Variants in CMIP observed in about 807,000 individuals in gnomAD.
CMIP encodes C-Maf-inducing protein.
Under a neutral mutation model 97.3 loss-of-function variants are expected in CMIP, and 13 were observed. The ratio of observed to expected loss-of-function variants is 0.13; its 90% CI spans 0.09 to 0.21. The LOEUF (loss-of-function observed/expected upper bound fraction) is 0.21, where lower values mean the gene tolerates loss of function less well. CMIP is among the 10% of genes least tolerant of loss of function. CMIP has a pLI of 1.00. For synonymous variants in CMIP, 538 were observed against 436.3 expected, an observed-to-expected ratio of 1.23 and a Z score of -2.91; for missense variants, 847 against 1,024.9, an observed-to-expected ratio of 0.83 and a Z score of 2.37.
intron 1 of CMIP, among the ~76,000 whole-genome samples, chr16:81,550,922 C>T (rs929525196): frequency 8.8e-5 from 13 of 147,022 alleles, no homozygotes; most frequent in African/African-American, 2.8e-4. Flanking sequence ...ACCCCAGTTC[C>T]GTCACATATA....
chr16:81,588,482 G>A (rs1359373048), intron 1 of CMIP, among the ~76,000 whole-genome samples: 1 of 152,200 alleles, frequency 6.6e-6, no homozygotes, highest in Non-Finnish European at 1.5e-5. Flanking sequence ...CGGGCAGGGT[G>A]CTGTACCTTG....
At chr16:81,632,213 C>T (rs1039696200) in intron 3 of CMIP, among the ~76,000 whole-genome samples, 2 of 151,970 alleles carry the variant, frequency 1.3e-5, no homozygotes, top group Non-Finnish European at 2.9e-5. Context: ...ATATCCCCTG[C>T]GAACATTTAA....
chr16:81,534,665 G>C (rs550356666), intron 1 of CMIP, among the ~76,000 whole-genome samples: 2 of 151,610 alleles, frequency 1.3e-5, no homozygotes, highest in East Asian at 3.9e-4. Context: ...CAAAACTATA[G>C]AACTGTAAAA....
rs1041892833 is a variant in CMIP at position 81,710,184 on chromosome 16, A to C, written c.*385A>C. The C allele has an allele frequency of 3.8e-6, 1 of 265,982 alleles. No homozygotes were observed. The highest frequency in any genetic ancestry group is 7.3e-6 in the Non-Finnish European group (1 of 136,174). 16.5% of individuals were successfully genotyped at this position (265,982 alleles called of 1,614,324 possible). A position where few individuals can be genotyped will look rare whatever the true frequency, so the allele number is the denominator to read the frequency against. On this transcript the variant is annotated 3_prime_UTR_variant, in exon 21 of 21. Coordinates refer to ENST00000537098, the MANE Select transcript of CMIP (RefSeq NM_198390.3). ...CTCCGATGCCACCATTGCGGGCCGGACGAAGGATGCTTTCTTCCTAGAGGC... is the reference window on the plus strand; with the variant it reads ...CTCCGATGCCACCATTGCGGGCCGGCCGAAGGATGCTTTCTTCCTAGAGGC...
intron 1 of CMIP, among the ~76,000 whole-genome samples, chr16:81,536,860 G>A (rs1433078623): frequency 2.0e-5 from 3 of 152,028 alleles, no homozygotes; most frequent in Non-Finnish European, 2.9e-5. Flanking sequence ...CAGCACGCAC[G>A]TGTAACCAGC....
intron 7 of CMIP, among the ~76,000 whole-genome samples, 159 bp from the exon 8 acceptor site, chr16:81,669,983 C>A (rs1352272380): frequency 7.9e-5 from 12 of 152,234 alleles, no homozygotes; most frequent in Non-Finnish European, 1.8e-4. Context: ...GAAGTAGACG[C>A]CACCTGTGCT....
chr16:81,703,698 G>A (rs74439549), intron 17 of CMIP, among the ~76,000 whole-genome samples: 10 of 152,166 alleles, frequency 6.6e-5, no homozygotes, highest in Non-Finnish European at 1.0e-4. Context: ...CACAGCACTG[G>A]AGGCTTTCTC....
rs761667291 is a variant in CMIP, at chr16:81,703,977, C to T, written c.1983C>T (p.Phe661=). The T allele has an allele frequency of 1.8e-5, 28 of 1,598,434 alleles. No homozygotes were observed. The highest frequency in any genetic ancestry group is 3.4e-5 in the South Asian group (3 of 88,694). The part of the protein sequence containing the change: ...DLARLLSSGS[F]GNLENLSLAF... ...CTCGTTTGCTGAGCTCCGGCTCCTT[C>T]GGAAACCTGGAGAACCTCAGTTTGG... is the stretch of plus-strand genomic sequence containing the variant. The change falls in exon 18 of 21, where the codon TTC becomes TTT. Residue 661 remains phenylalanine, a synonymous_variant. Transcript: ENST00000537098.
At chr16:81,663,720 C>G (rs1018930728) in intron 6 of CMIP, among the ~76,000 whole-genome samples, 2 of 152,152 alleles carry the variant, frequency 1.3e-5, no homozygotes, top group African/African-American at 4.8e-5. Flanking sequence ...ACCGCACGGT[C>G]CTTTGGGGAG....
At chr16:81,535,108 G>A (rs1040194062) in intron 1 of CMIP, among the ~76,000 whole-genome samples, 4 of 152,058 alleles carry the variant, frequency 2.6e-5, no homozygotes, top group African/African-American at 9.7e-5. Flanking sequence ...CTGCCACCAT[G>A]CCCAGCTAAT....
intron 1 of CMIP, among the ~76,000 whole-genome samples, chr16:81,466,056 TTTTTA>T (rs989840859): frequency 6.6e-6 from 1 of 152,140 alleles, no homozygotes; most frequent in Non-Finnish European, 1.5e-5. Flanking sequence ...TTTTTTTTAC[TTTTTA>T]TTTTGTCTTA....
chr16:81,579,627 C>G (rs12923364), intron 1 of CMIP, among the ~76,000 whole-genome samples: 60,542 of 150,986 alleles, frequency 0.4, 14,493 homozygotes, highest in Non-Finnish European at 0.53. Flanking sequence ...CCTGCTCCCC[C>G]CTGAAGGCAA....
intron 1 of CMIP, among the ~76,000 whole-genome samples, chr16:81,455,868 T>C (rs1385585732): frequency 6.6e-6 from 1 of 152,190 alleles, no homozygotes; most frequent in Non-Finnish European, 1.5e-5. Flanking sequence ...TGCCTAGGCC[T>C]GTGCTGTCTC....
intron 8 of CMIP, among the ~76,000 whole-genome samples, chr16:81,671,619 C>G (rs2092683639): frequency 1.3e-5 from 2 of 152,296 alleles, no homozygotes; most frequent in South Asian, 4.1e-4. Context: ...AAAATTTGGT[C>G]CTAACTGTAC....
At chr16:81,699,956 C>T (rs956699226) in intron 15 of CMIP, among the ~76,000 whole-genome samples, 155 bp downstream of exon 15, 3 of 152,100 alleles carry the variant, frequency 2.0e-5, no homozygotes, top group East Asian at 1.9e-4. Flanking sequence ...GTGGGAGCCT[C>T]GAGCCTTCAT....
chr16:81,578,246 C>G (rs117904385), intron 1 of CMIP, among the ~76,000 whole-genome samples: 1 of 152,226 alleles, frequency 6.6e-6, no homozygotes, highest in African/African-American at 2.4e-5. Flanking sequence ...TCACCACCAT[C>G]ATCTTCGTCA....
intron 3 of CMIP, among the ~76,000 whole-genome samples, chr16:81,638,580 C>G (rs1202382837): frequency 1.3e-5 from 2 of 152,108 alleles, no homozygotes; most frequent in African/African-American, 4.8e-5. Context: ...ACCTCTCATC[C>G]CTCCCCTTGT....
At chr16:81,524,935 A>G (rs529283311) in intron 1 of CMIP, among the ~76,000 whole-genome samples, 1 of 151,660 alleles carries the variant, frequency 6.6e-6, no homozygotes, top group East Asian at 1.9e-4. Flanking sequence ...AGCTAGGACT[A>G]CAGGCACATG....
chr16:81,461,006 C>T (rs372293923), intron 1 of CMIP, among the ~76,000 whole-genome samples: 4 of 152,200 alleles, frequency 2.6e-5, no homozygotes, highest in Admixed American at 2.0e-4. Context: ...TGTGAAGGCT[C>T]AGGATGGGCA....
Sources: gnomAD v4.1 joint callset for allele counts (sites outside exome capture counted in the v4.1 genomes callset) on GRCh38, gnomAD v4.1.1 for gene constraint, MANE v1.5 for transcripts, NCBI Gene and HGNC (gene_info 2026-07-23, HGNC 2026-07-21) for gene names.